Variants in ZEB1 observed in about 807,000 individuals in gnomAD.
The protein encoded by ZEB1 is zinc finger E-box-binding homeobox 1.
In ZEB1, 21 loss-of-function variants were observed where a neutral mutation model predicts 84.9. That is an observed-to-expected ratio of 0.25 (90% CI 0.18 to 0.36). The LOEUF is 0.36. Among genes scored for constraint, ZEB1 ranks in the 10% least tolerant of loss-of-function variants. The pLI, the probability that ZEB1 is intolerant of heterozygous loss-of-function variation, is 1.00. For missense variants in ZEB1, 1,104 were observed against 1,330.2 expected (o/e 0.83, Z 2.65); for synonymous variants, 420 against 471.1 (o/e 0.89, Z 1.41).
intron 1 of ZEB1, 118 bp from the exon 2 acceptor site, chr10:31,460,919 T>C (rs2061733398): frequency 4.6e-6 from 4 of 870,498 alleles, no homozygotes; most frequent in Non-Finnish European, 7.4e-6. Context: ...GTTAACATTA[T>C]TTAAAAGAAA....
intron 1 of ZEB1, among the ~76,000 whole-genome samples, chr10:31,398,051 A>T (rs1007898960): frequency 5.3e-5 from 8 of 152,194 alleles, no homozygotes; most frequent in African/African-American, 1.9e-4. Flanking sequence ...CAAAGTGTGG[A>T]CTTAGTAATC....
chr10:31,382,824 T>C (rs1389345249), intron 1 of ZEB1, among the ~76,000 whole-genome samples: 1 of 152,096 alleles, frequency 6.6e-6, no homozygotes, highest in Non-Finnish European at 1.5e-5. Context: ...TATGCAAGTT[T>C]AGATATCAAG....
chr10:31,373,217 G>T, intron 1 of ZEB1: 1 of 970,864 alleles, frequency 1.0e-6, no homozygotes, highest in South Asian at 4.8e-5. Context: ...GTGTGTGTGT[G>T]TAAAGCCTAC....
In ZEB1 at chr10:31,388,253, T is replaced by C. The variant is rs554963265; in HGVS notation, c.58+68961T>C. On this transcript the variant is annotated intron_variant, in intron 1 of 8. Transcript: ENST00000424869. The stretch of plus-strand genomic sequence containing the variant: ...TCCCAGTATTCTGTAGTATTAACAA[T>C]GAGACTTAAAGTACTGGTGAAGACA... 2.0e-5 allele frequency among the ~76,000 whole-genome samples: 3 copies of C among 152,280 alleles called. No individual in the cohort carries two copies. In the South Asian group the frequency reaches 6.2e-4, roughly 32 times the overall value.
rs553060259 is a variant in ZEB1 at position 31,416,710 on chromosome 10, G to T, written c.59-44327G>T. On this transcript the variant is annotated intron_variant, in intron 1 of 8. Transcript: ENST00000424869. ...GAGCACCAGAGAGAAAAATAGAAGC[G>T]CATAGAAGGAATAAATTCAGTTGCA... 1.4e-3 allele frequency among the ~76,000 whole-genome samples: 218 copies of T among 152,134 alleles called. 1 individual carries two copies. Among genetic ancestry groups the T allele is most frequent in the Non-Finnish European group, 2.4e-3 (164 of 67,960 alleles).
rs140227994 is a variant in ZEB1 at position 31,376,984 on chromosome 10, C to T, written c.58+57692C>T. 1.6e-3 allele frequency among the ~76,000 whole-genome samples: 241 copies of T among 151,096 alleles called. 1 individual carries two copies. Among genetic ancestry groups the T allele is most frequent in the African/African-American group, 4.8e-3 (197 of 41,296 alleles). Reference sequence around the variant, plus strand: ...ATTACTGCTAAACAAAAAAAAAGTCCGTGAAATTCTCATCTAAGCTTTGGG... The same window carrying T: ...ATTACTGCTAAACAAAAAAAAAGTCTGTGAAATTCTCATCTAAGCTTTGGG... On this transcript the variant is annotated intron_variant, in intron 1 of 8. Coordinates refer to ENST00000424869, the MANE Select transcript of ZEB1 (RefSeq NM_001174096.2).
intron 1 of ZEB1, chr10:31,321,025 T>G: frequency 9.6e-6 from 5 of 520,132 alleles, no homozygotes; most frequent in Non-Finnish European, 1.2e-5. Context: ...AGAGGGGCAA[T>G]AAATGCGTCT....
At chr10:31,467,671 C>G (rs1451569650) in intron 2 of ZEB1, among the ~76,000 whole-genome samples, 1 of 152,168 alleles carries the variant, frequency 6.6e-6, no homozygotes, top group Non-Finnish European at 1.5e-5. Flanking sequence ...TGCCAGGACT[C>G]AAGCATACCA....
chr10:31,433,570 C>A (rs961558144), intron 1 of ZEB1, among the ~76,000 whole-genome samples: 23 of 152,130 alleles, frequency 1.5e-4, no homozygotes, highest in African/African-American at 5.6e-4. Context: ...AACTTAATTC[C>A]AGGAGTGATT....
intron 1 of ZEB1, among the ~76,000 whole-genome samples, chr10:31,345,148 T>G (rs1179736458): frequency 6.6e-6 from 1 of 152,092 alleles, no homozygotes; most frequent in Non-Finnish European, 1.5e-5. Flanking sequence ...AATATCCAGA[T>G]TCACAGACAT....
At chr10:31,350,417 CTA>C (rs1389180182) in intron 1 of ZEB1, among the ~76,000 whole-genome samples, 1 of 152,086 alleles carries the variant, frequency 6.6e-6, no homozygotes, top group Non-Finnish European at 1.5e-5. Context: ...GATTTAATCT[CTA>C]TTAATAATTT....
intron 1 of ZEB1, among the ~76,000 whole-genome samples, chr10:31,334,571 CAG>C (rs1376543692): frequency 3.3e-5 from 5 of 151,880 alleles, no homozygotes; most frequent in African/African-American, 7.3e-5. Flanking sequence ...ATTGAAATAA[CAG>C]GGGAATAATT....
intron 1 of ZEB1, among the ~76,000 whole-genome samples, chr10:31,366,079 C>T (rs1240125879): frequency 6.6e-6 from 1 of 152,086 alleles, no homozygotes; most frequent in Non-Finnish European, 1.5e-5. Flanking sequence ...TGCACTTTCC[C>T]GCTTTCAAGT....
At position 31,505,529 on chromosome 10, in the gene ZEB1, A is replaced by G. The variant is rs540962799; in HGVS notation, c.484+3020A>G. On this transcript the variant is annotated intron_variant, in intron 4 of 8. Transcript: ENST00000424869. ...GTAGGCTGTGTCCAGGAATTTATCCATATCCTCTAGGTTTTTCAGTTTTTT... is the reference window on the plus strand; with the variant it reads ...GTAGGCTGTGTCCAGGAATTTATCCGTATCCTCTAGGTTTTTCAGTTTTTT... Among the ~76,000 whole-genome samples, 11 of 152,096 alleles carry G rather than the reference A, an allele frequency of 7.2e-5. No homozygotes were observed. In the South Asian group the frequency reaches 2.3e-3, roughly 32 times the overall value.
intron 1 of ZEB1, among the ~76,000 whole-genome samples, chr10:31,349,692 A>G (rs2040972020): frequency 6.6e-6 from 1 of 152,156 alleles, no homozygotes; most frequent in South Asian, 2.1e-4. Flanking sequence ...ACTATTTCAT[A>G]TACCTGTTGG....
chr10:31,486,163 G>A (rs1363053464), intron 2 of ZEB1, among the ~76,000 whole-genome samples: 1 of 151,722 alleles, frequency 6.6e-6, no homozygotes, highest in East Asian at 1.9e-4. Context: ...TCCAATTTAC[G>A]GAGATTATGA....
At chr10:31,363,458 T>G in intron 1 of ZEB1, 1 of 1,533,848 alleles carries the variant, frequency 6.5e-7, no homozygotes, top group African/African-American at 1.4e-5. Flanking sequence ...CAGGAAGAAG[T>G]GAGGTTTCCC....
chr10:31,359,468 T>C (rs2042635511), intron 1 of ZEB1, among the ~76,000 whole-genome samples: 1 of 152,168 alleles, frequency 6.6e-6, no homozygotes, highest in Admixed American at 6.5e-5. Context: ...CATTCTGAAA[T>C]ACTCTTTTAA....
At chr10:31,455,792 A>C (rs1389570956) in intron 1 of ZEB1, among the ~76,000 whole-genome samples, 1 of 152,164 alleles carries the variant, frequency 6.6e-6, no homozygotes, top group African/African-American at 2.4e-5. Flanking sequence ...AAATAGGAAC[A>C]CTTTTACACT....
Sources: gnomAD v4.1 joint callset for allele counts (sites outside exome capture counted in the v4.1 genomes callset) on GRCh38, gnomAD v4.1.1 for gene constraint, MANE v1.5 for transcripts, NCBI Gene and HGNC (gene_info 2026-07-23, HGNC 2026-07-21) for gene names.